The following ZSCAN18 variants were observed in gnomAD, a reference collection of about 807,000 sequenced individuals.
ZSCAN18 encodes the protein zinc finger and SCAN domain-containing protein 18.
In ZSCAN18, 16 loss-of-function variants were observed where a neutral mutation model predicts 31.1. The observed-to-expected ratio is 0.51, with a 90% confidence interval of 0.35 to 0.78. The LOEUF is 0.78. Among genes scored for constraint, ZSCAN18 ranks in the 30% least tolerant of loss-of-function variants. ZSCAN18 has a pLI of 0.01. For missense variants in ZSCAN18, 731 were observed against 697.4 expected (o/e 1.05, Z -0.54); for synonymous variants, 375 against 320.7 (o/e 1.17, Z -1.81).
intron 1 of ZSCAN18, among the ~76,000 whole-genome samples, chr19:58,096,770 A>G (rs1365899700): frequency 6.6e-6 from 1 of 152,242 alleles, no homozygotes; most frequent in Non-Finnish European, 1.5e-5. Context: ...GGATATTCCC[A>G]GGGTCTGCCC....
In ZSCAN18 at chr19:58,090,934, T is replaced by C. The variant is rs1029478231; in HGVS notation, c.-119-548A>G. ...AAATCAGTCATGAATAGGATGAAAA[T>C]GAAAAATTACTTGACAATCTCTATG... On this transcript the variant is annotated intron_variant, in intron 1 of 6. Transcript: ENST00000601144. This position sits in a 1 kb window ranked among gnomAD's most constrained non-coding sequence, Gnocchi z 4.7. Among the ~76,000 whole-genome samples the C allele has an allele frequency of 4.6e-5, 7 of 151,430 alleles. No homozygotes were observed. Among genetic ancestry groups the C allele is most frequent in the African/African-American group, 9.7e-5 (4 of 41,212 alleles).
rs1441347836 is a variant in ZSCAN18, at chr19:58,095,358, G to A, written c.-120+2816C>T. ...GAACCTCACAATCCCAGAGGGGTAG[G>A]AACCACATGCAGCCCCAAGGTGCAA... On this transcript the variant is annotated intron_variant, in intron 1 of 6. Transcript: ENST00000601144. Among the ~76,000 whole-genome samples, 4 of 152,212 alleles carry A rather than the reference G, an allele frequency of 2.6e-5. No homozygotes were observed. The East Asian group carries it at 7.7e-4, about 29-fold the overall frequency.
Position 58,084,722 on chromosome 19 carries a change from C to T in ZSCAN18, c.1496G>A (p.Gly499Asp), listed in dbSNP as rs764438118. ...RAGGPPESVE[G>D]EAPPAPPEAQ... is the part of the protein sequence containing the mutation. ...CTCTGGGGGTGCGGGGGGAGCCTCG[C>T]CCTCCACGCTCTCTGGGGGACCGCC... The change falls in exon 7 of 7, where the codon GGC becomes GAC. Residue 499 changes from glycine to aspartate, a missense_variant. Transcript: ENST00000601144. The surrounding 1 kb of genome is among the most constrained non-coding windows in gnomAD (Gnocchi z 4.5). 4.6e-6 allele frequency: 7 copies of T among 1,519,452 alleles called. No homozygotes were observed. The highest frequency in any genetic ancestry group is 6.1e-6 in the Non-Finnish European group (7 of 1,143,690). The allele number at this position is 1,519,452 out of a possible 1,614,324, so 94.1% of individuals were successfully genotyped here.
At chr19:58,091,053 T>G (rs563272735) in intron 1 of ZSCAN18, among the ~76,000 whole-genome samples, 1 of 151,504 alleles carries the variant, frequency 6.6e-6, no homozygotes, top group Admixed American at 6.6e-5. Flanking sequence ...GTGGATAACC[T>G]GAGGTCAGGA....
At chr19:58,091,469 G>A (rs1024105226) in intron 1 of ZSCAN18, among the ~76,000 whole-genome samples, 2 of 149,378 alleles carry the variant, frequency 1.3e-5, no homozygotes, top group African/African-American at 2.5e-5. Context: ...GGTGCAGGAT[G>A]TAGGCTTTGA....
intron 1 of ZSCAN18, among the ~76,000 whole-genome samples, chr19:58,109,772 T>C (rs926435901): frequency 5.3e-5 from 8 of 150,012 alleles, no homozygotes; most frequent in Non-Finnish European, 1.2e-4. Flanking sequence ...CAAAATCATA[T>C]GTGCACACAC....
chr19:58,100,265 A>AG (rs1837402356), upstream of ZSCAN18, among the ~76,000 whole-genome samples: 2 of 151,972 alleles, frequency 1.3e-5, no homozygotes, highest in Admixed American at 6.6e-5. Flanking sequence ...TTTCCAGTTT[A>AG]TTTTAATGGA....
Position 58,112,318 on chromosome 19 carries a change from A to G in ZSCAN18, c.130+5949T>C, listed in dbSNP as rs1267660998. Among the ~76,000 whole-genome samples the G allele has an allele frequency of 3.9e-5, 6 of 152,078 alleles. No individual in the cohort carries two copies. In the East Asian group the frequency reaches 1.2e-3, roughly 29 times the overall value. On this transcript the variant is annotated intron_variant, in intron 1 of 1. Coordinates refer to the ZSCAN18 transcript ENST00000595721. ...CCAAAATGTCCCGATTACAGGTGTGAGCCATTGCGTCTAGCCCCAACACCC... is the reference window on the plus strand; with the variant it reads ...CCAAAATGTCCCGATTACAGGTGTGGGCCATTGCGTCTAGCCCCAACACCC...
chr19:58,087,253 G>A (rs2074299881), intron 4 of ZSCAN18, 63 bp downstream of exon 4: 2 of 1,484,794 alleles, frequency 1.3e-6, no homozygotes, highest in Non-Finnish European at 9.2e-7. Context: ...CACTGGTGAT[G>A]GGGAGGGGGA....
upstream of ZSCAN18, chr19:58,098,424 A>T (rs1436352170): frequency 1.0e-6 from 1 of 969,774 alleles, no homozygotes; most frequent in African/African-American, 1.8e-5. Context: ...GCACCATGGC[A>T]ACGAAGTAAA....
intron 1 of ZSCAN18, among the ~76,000 whole-genome samples, chr19:58,117,817 G>A (rs967261162): frequency 6.6e-6 from 1 of 151,806 alleles, no homozygotes; most frequent in Non-Finnish European, 1.5e-5. Context: ...GAAGAGAAAT[G>A]AGCCCCCGCC....
intron 1 of ZSCAN18, among the ~76,000 whole-genome samples, chr19:58,116,160 A>G (rs1467887219): frequency 6.7e-6 from 1 of 149,182 alleles, no homozygotes; most frequent in Non-Finnish European, 1.5e-5. Context: ...CATACTCCAT[A>G]TTGCCCGAGG....
chr19:58,105,880 G>C (rs963331195), intron 1 of ZSCAN18, among the ~76,000 whole-genome samples: 3 of 152,040 alleles, frequency 2.0e-5, no homozygotes, highest in African/African-American at 7.3e-5. Context: ...TCAAGAGGCT[G>C]AGGCATCAGG....
intron 1 of ZSCAN18, among the ~76,000 whole-genome samples, chr19:58,113,284 C>G (rs2074702673): frequency 6.6e-6 from 1 of 151,206 alleles, no homozygotes; most frequent in African/African-American, 2.4e-5. Flanking sequence ...CCACTGCACT[C>G]AAGCCTGGGT....
intron 1 of ZSCAN18, among the ~76,000 whole-genome samples, chr19:58,105,675 T>G (rs4801251): frequency 0.16 from 23,373 of 148,284 alleles, 1,748 homozygotes; most frequent in Admixed American, 0.2. Flanking sequence ...AAATAAAAAA[T>G]AAAAAAGAAG....
upstream of ZSCAN18, among the ~76,000 whole-genome samples, chr19:58,101,210 G>GC (rs2074590854): frequency 6.9e-6 from 1 of 145,812 alleles, no homozygotes; most frequent in Non-Finnish European, 1.5e-5. Flanking sequence ...TCGGCTCACC[G>GC]CAAGCTCCAC....
chr19:58,105,933 C>T lies in ZSCAN18; in HGVS notation c.130+12334G>A, dbSNP rs921429035. On this transcript the variant is annotated intron_variant, in intron 1 of 1. Transcript: ENST00000595721. ...GGCAGAGGCTGCAGTGAGCTGAGAT[C>T]GCGCCACTGCACTCTAGCCGAGGCA... Among the ~76,000 whole-genome samples the T allele has an allele frequency of 2.6e-5, 4 of 151,882 alleles. No individual in the cohort carries two copies. In the East Asian group the frequency reaches 5.8e-4, roughly 22 times the overall value.
At chr19:58,113,411 G>A (rs916803411) in intron 1 of ZSCAN18, among the ~76,000 whole-genome samples, 5 of 152,128 alleles carry the variant, frequency 3.3e-5, no homozygotes, top group African/African-American at 1.2e-4. Context: ...ATACGCATTT[G>A]TGTCTGGGAT....
At chr19:58,092,771 C>CA in intron 1 of ZSCAN18, 1 of 761,996 alleles carries the variant, frequency 1.3e-6, no homozygotes, top group Non-Finnish European at 1.6e-6. Flanking sequence ...GATACCTCTA[C>CA]TTTTTTTTTT....
Sources: gnomAD v4.1 joint callset for allele counts (sites outside exome capture counted in the v4.1 genomes callset) on GRCh38, gnomAD v4.1.1 for gene constraint, Gnocchi (gnomAD v3.1) non-coding constraint, MANE v1.5 for transcripts, NCBI Gene and HGNC (gene_info 2026-07-23, HGNC 2026-07-21) for gene names.